ZNF618: variants seen among roughly 807,000 people sequenced by gnomAD.
ZNF618 encodes zinc finger protein 618, also known as neural precursor cell expressed, developmentally down-regulated 10.
ZNF618 carries 34 observed loss-of-function variants against 103.0 expected under a neutral mutation model. That is an observed-to-expected ratio of 0.33 (90% CI 0.25 to 0.44). The LOEUF (loss-of-function observed/expected upper bound fraction) is 0.44. ZNF618 is among the 20% of genes least tolerant of loss of function. The pLI is 1.00. For missense variants in ZNF618, 1,059 were observed against 1,295.4 expected (o/e 0.82, Z 2.80); for synonymous variants, 551 against 542.2 (o/e 1.02, Z -0.23).
At chr9:113,925,847 A>G (rs535916932) in intron 1 of ZNF618, among the ~76,000 whole-genome samples, 2 of 152,234 alleles carry the variant, frequency 1.3e-5, no homozygotes, top group African/African-American at 4.8e-5. Context: ...ATTTATCCAC[A>G]TGGTATAATC....
At chr9:113,908,308 G>C (rs1831176931) in intron 1 of ZNF618, among the ~76,000 whole-genome samples, 1 of 152,178 alleles carries the variant, frequency 6.6e-6, no homozygotes, top group African/African-American at 2.4e-5. Flanking sequence ...ATCTCACACA[G>C]GTGCTCAGGA....
intron 3 of ZNF618, among the ~76,000 whole-genome samples, chr9:113,995,971 C>G (rs559499321): frequency 1.2e-4 from 18 of 152,258 alleles, no homozygotes; most frequent in African/African-American, 3.6e-4. Context: ...CTGCCAGATT[C>G]TCTGGCACAT....
intron 1 of ZNF618, among the ~76,000 whole-genome samples, chr9:113,966,686 C>T (rs565570810): frequency 1.3e-5 from 2 of 152,298 alleles, no homozygotes; most frequent in South Asian, 2.1e-4. Flanking sequence ...GTGATACTGA[C>T]ACATGTGTCT....
At chr9:113,882,899 C>G (rs183457205) in intron 1 of ZNF618, among the ~76,000 whole-genome samples, 1 of 152,156 alleles carries the variant, frequency 6.6e-6, no homozygotes, top group African/African-American at 2.4e-5. Flanking sequence ...ACAAATTTCC[C>G]CAGGTAGGCT....
chr9:113,976,517 G>A (rs1323298950), intron 2 of ZNF618, among the ~76,000 whole-genome samples: 1 of 152,104 alleles, frequency 6.6e-6, no homozygotes, highest in African/African-American at 2.4e-5. Flanking sequence ...GCTCACCCTT[G>A]GCTGGAGCAC....
intron 1 of ZNF618, among the ~76,000 whole-genome samples, chr9:113,882,837 A>G (rs914952417): frequency 6.6e-6 from 1 of 152,122 alleles, no homozygotes; most frequent in Admixed American, 6.5e-5. Flanking sequence ...TTCGTGAGAA[A>G]CCAGACCCTC....
At chr9:114,033,479 C>T (rs1259996904) in intron 12 of ZNF618, among the ~76,000 whole-genome samples, 1 of 151,908 alleles carries the variant, frequency 6.6e-6, no homozygotes, top group Non-Finnish European at 1.5e-5. Context: ...GCCACTGGAA[C>T]GAAGATTCCC....
intron 9 of ZNF618, among the ~76,000 whole-genome samples, chr9:114,014,857 C>T (rs775932197): frequency 3.9e-5 from 6 of 151,936 alleles, no homozygotes; most frequent in Non-Finnish European, 5.9e-5. Context: ...GTCCAGGGAC[C>T]GCACTTTGAG....
At chr9:113,883,984 C>CCG (rs1828787135) in intron 1 of ZNF618, among the ~76,000 whole-genome samples, 1 of 19,300 alleles carries the variant, frequency 5.2e-5, no homozygotes, top group East Asian at 4.5e-3. Flanking sequence ...TGGGCTTGGC[C>CCG]CCCCCCCCCC....
intron 1 of ZNF618, among the ~76,000 whole-genome samples, chr9:113,882,912 C>T (rs1828666179): frequency 6.6e-6 from 1 of 152,198 alleles, no homozygotes. Flanking sequence ...GGTAGGCTTC[C>T]TCTCCCTCTG....
chr9:113,975,806 C>T (rs964703303), intron 2 of ZNF618, among the ~76,000 whole-genome samples: 7 of 152,110 alleles, frequency 4.6e-5, no homozygotes, highest in South Asian at 2.1e-4. Context: ...TATTTGAGAA[C>T]GGGGTATGTT....
At chr9:114,044,505 C>G (rs377585698) in intron 13 of ZNF618, among the ~76,000 whole-genome samples, 2 of 152,038 alleles carry the variant, frequency 1.3e-5, no homozygotes, top group African/African-American at 4.8e-5. Context: ...TTTTTCTTAG[C>G]TTTGCTTTGG....
intron 9 of ZNF618, chr9:114,016,254 G>C (rs1466158352): frequency 7.6e-7 from 1 of 1,316,930 alleles, no homozygotes; most frequent in South Asian, 1.2e-5. Flanking sequence ...GGGCAGGGAA[G>C]GTCCTGGAGA....
intron 9 of ZNF618, among the ~76,000 whole-genome samples, chr9:114,013,747 A>G (rs1842442694): frequency 6.6e-6 from 1 of 152,106 alleles, no homozygotes; most frequent in Admixed American, 6.6e-5. Context: ...TTATTTTTTT[A>G]AAAGGAAGGA....
At chr9:113,888,576 T>C (rs1312389145) in intron 1 of ZNF618, among the ~76,000 whole-genome samples, 1 of 152,272 alleles carries the variant, frequency 6.6e-6, no homozygotes, top group African/African-American at 2.4e-5. Flanking sequence ...AGCTCTGGCA[T>C]GTCCCAGTCA....
chr9:113,899,797 A>G (rs879880631), intron 1 of ZNF618, among the ~76,000 whole-genome samples: 16 of 152,216 alleles, frequency 1.1e-4, no homozygotes, highest in Non-Finnish European at 2.1e-4. Flanking sequence ...GTTGTAGCAC[A>G]TGGCAGGTTC....
chr9:113,886,339 A>G (rs1489421772), intron 1 of ZNF618, among the ~76,000 whole-genome samples: 2 of 152,138 alleles, frequency 1.3e-5, no homozygotes, highest in Non-Finnish European at 2.9e-5. Flanking sequence ...AAGGGTGGGA[A>G]TTTTTGTCAG....
chr9:113,996,638 C>T (rs191634678), intron 3 of ZNF618, among the ~76,000 whole-genome samples: 5 of 152,168 alleles, frequency 3.3e-5, no homozygotes, highest in Admixed American at 1.3e-4. Flanking sequence ...GTTGGGATGG[C>T]GACTGTTGCA....
At chr9:113,880,585 C>T (rs183830375) in intron 1 of ZNF618, among the ~76,000 whole-genome samples, 301 of 152,214 alleles carry the variant, frequency 2.0e-3, no homozygotes, top group Non-Finnish European at 3.3e-3. Flanking sequence ...CATTCCCAGG[C>T]GAGACCTTGA....
Sources: gnomAD v4.1 joint callset for allele counts (sites outside exome capture counted in the v4.1 genomes callset) on GRCh38, gnomAD v4.1.1 for gene constraint, MANE v1.5 for transcripts, NCBI Gene and HGNC (gene_info 2026-07-23, HGNC 2026-07-21) for gene names.